TM9SF4: variants seen among roughly 807,000 people sequenced by gnomAD.
TM9SF4 encodes the protein dinucleotide oxidase disulfide thiol exchanger 3 superfamily member 4.
In TM9SF4, 26 loss-of-function variants were observed where a neutral mutation model predicts 90.4. The ratio of observed to expected loss-of-function variants is 0.29; its 90% CI spans 0.21 to 0.40. The LOEUF is 0.40. TM9SF4 is among the 10% of genes least tolerant of loss of function. The pLI is 1.00. For missense variants in TM9SF4, 549 were observed against 834.8 expected, an observed-to-expected ratio of 0.66 and a Z score of 4.22; for synonymous variants, 293 against 315.4, an observed-to-expected ratio of 0.93 and a Z score of 0.75.
chr20:32,163,639 A>G (rs1246221179), intron 17 of TM9SF4, among the ~76,000 whole-genome samples: 4 of 122,884 alleles, frequency 3.3e-5, no homozygotes, highest in East Asian at 2.3e-4. Flanking sequence ...TGAGATGGAG[A>G]CTCGCTCTGT....
intron 1 of TM9SF4, among the ~76,000 whole-genome samples, chr20:32,128,800 G>C (rs939375930): frequency 8.2e-5 from 12 of 146,478 alleles, no homozygotes; most frequent in Non-Finnish European, 1.3e-4. Flanking sequence ...CTGTGTGTGT[G>C]TGTGTGTGTG....
At position 32,145,223 on chromosome 20, in the gene TM9SF4, G is replaced by A; in HGVS notation, c.771+14G>A. 1 of 1,613,934 alleles carries A rather than the reference G, an allele frequency of 6.2e-7. No homozygotes were observed. The highest frequency in any genetic ancestry group is 8.5e-7 in the Non-Finnish European group (1 of 1,179,778). On this transcript the variant is annotated intron_variant, in intron 7 of 17. Coordinates refer to ENST00000398022, the MANE Select transcript of TM9SF4 (RefSeq NM_014742.4). ...GTCCACTGGGAGGTGAGAAGGGGCT[G>A]GAGCTCATGGGCAGGGGAGGAGGGC...
At chr20:32,123,864 A>ATTTTTTTTTTTTTTTTTTTTT (rs1251272520) in intron 1 of TM9SF4, among the ~76,000 whole-genome samples, 1 of 60,186 alleles carries the variant, frequency 1.7e-5, no homozygotes, top group African/African-American at 7.0e-5. Context: ...ATATATATAT[A>ATTTTTTTTTTTTTTTTTTTTT]TATTTTTTTT....
chr20:32,166,565 T>C lies in TM9SF4; in HGVS notation c.*1121T>C, dbSNP rs2047101471. 6.6e-6 allele frequency: 1 copy of C among 152,326 alleles called. No homozygotes were observed. The highest frequency in any genetic ancestry group is 6.5e-5 in the Admixed American group (1 of 15,282). 9.4% of individuals were successfully genotyped at this position (152,326 alleles called of 1,614,324 possible). A position where few individuals can be genotyped will look rare whatever the true frequency, so the allele number is the denominator to read the frequency against. ...CACACCTGAGTTCTTGCCTCCTCCT[T>C]TTGGGGACACCCAAAACACTGCTTG... On this transcript the variant is annotated 3_prime_UTR_variant, in exon 18 of 18. Transcript: ENST00000398022.
In TM9SF4 at chr20:32,165,516, C is replaced by T. The variant is rs547530739; in HGVS notation, c.*72C>T. ...CACCCTGCGTGGGGGACTGCAGGCA[C>T]GCAAAATAAAATAACTCCTGCTCGT... On this transcript the variant is annotated 3_prime_UTR_variant, in exon 18 of 18. Transcript: ENST00000398022. The T allele has an allele frequency of 1.1e-5, 17 of 1,557,738 alleles. No individual in the cohort carries two copies. The highest frequency in any genetic ancestry group is 6.8e-5 in the East Asian group (3 of 44,112).
At chr20:32,132,703 G>A (rs2046537925) in intron 1 of TM9SF4, among the ~76,000 whole-genome samples, 1 of 152,176 alleles carries the variant, frequency 6.6e-6, no homozygotes, top group Non-Finnish European at 1.5e-5. Flanking sequence ...GCTATCCTGG[G>A]AGTTACACAC....
intron 10 of TM9SF4, 57 bp downstream of exon 10, chr20:32,149,823 CAAG>C: frequency 6.2e-7 from 1 of 1,601,550 alleles, no homozygotes; most frequent in East Asian, 2.2e-5. Flanking sequence ...CCAGGTGCCT[CAAG>C]GAGAGAAGGG....
chr20:32,109,926 GC>G, intron 1 of TM9SF4, 171 bp downstream of exon 1: 2 of 1,444,254 alleles, frequency 1.4e-6, no homozygotes, highest in East Asian at 5.0e-5. Flanking sequence ...CCCTGGCCCT[GC>G]CCCTGCACTC....
chr20:32,121,917 G>T (rs1374517033), intron 1 of TM9SF4, among the ~76,000 whole-genome samples: 9 of 147,126 alleles, frequency 6.1e-5, no homozygotes, highest in African/African-American at 2.2e-4. Context: ...GGGGCGGCTG[G>T]CCGGGCGGGG....
chr20:32,158,074 C>T (rs1403111115), intron 14 of TM9SF4, 105 bp downstream of exon 14: 3 of 1,455,932 alleles, frequency 2.1e-6, no homozygotes, highest in African/African-American at 2.8e-5. Flanking sequence ...CTTCAGCCGG[C>T]TCTAATAGAG....
chr20:32,113,687 T>C (rs1470107781), intron 1 of TM9SF4, among the ~76,000 whole-genome samples: 1 of 152,212 alleles, frequency 6.6e-6, no homozygotes, highest in Non-Finnish European at 1.5e-5. Context: ...GCCATAAAAT[T>C]CACCCCTTTA....
chr20:32,128,607 T>A (rs1468338858), intron 1 of TM9SF4, among the ~76,000 whole-genome samples: 2 of 152,124 alleles, frequency 1.3e-5, no homozygotes, highest in Non-Finnish European at 2.9e-5. Context: ...GAGCCTCCAA[T>A]GTTATTATTC....
At chr20:32,139,068 G>C in intron 3 of TM9SF4, among the ~76,000 whole-genome samples, 1 of 152,210 alleles carries the variant, frequency 6.6e-6, no homozygotes, top group Non-Finnish European at 1.5e-5. Context: ...GTGGAGGGGT[G>C]AGGCCTTCAT....
chr20:32,157,457 C>T (rs1025007095), intron 13 of TM9SF4, among the ~76,000 whole-genome samples: 32 of 152,148 alleles, frequency 2.1e-4, no homozygotes, highest in Admixed American at 1.6e-3. Context: ...TTTTTCCCTT[C>T]TTTTCTTCAC....
chr20:32,146,312 A>G (rs2046761775), intron 8 of TM9SF4, among the ~76,000 whole-genome samples: 1 of 152,126 alleles, frequency 6.6e-6, no homozygotes, highest in African/African-American at 2.4e-5. Context: ...GGACGTGAAG[A>G]TGCCCAGAGT....
intron 1 of TM9SF4, among the ~76,000 whole-genome samples, chr20:32,111,134 T>TACC (rs2046137252): frequency 6.6e-6 from 1 of 152,238 alleles, no homozygotes; most frequent in African/African-American, 2.4e-5. Flanking sequence ...GATTCCTTAT[T>TACC]TAGAACTTCA....
chr20:32,165,272 C>CTT, intron 17 of TM9SF4, 23 bp from the exon 18 acceptor site: 1 of 1,613,834 alleles, frequency 6.2e-7, no homozygotes, highest in East Asian at 2.2e-5. Flanking sequence ...TGCACCCTGT[C>CTT]TTCTTTCTGC....
Position 32,160,126 on chromosome 20 carries a change from G to C in TM9SF4, c.1689+15G>C, listed in dbSNP as rs760231161. 19 of 1,614,078 alleles carry C rather than the reference G, an allele frequency of 1.2e-5. No homozygotes were observed. Among genetic ancestry groups the C allele is most frequent in the Non-Finnish European group, 1.5e-5 (18 of 1,180,000 alleles). ...TGTGTGCAGAGGTGAGGAGAGCAGG[G>C]CCAGGAGGCGGGGGAGGGAGAACTG... is the stretch of plus-strand genomic sequence containing the variant. On this transcript the variant is annotated intron_variant, in intron 16 of 17. Transcript: ENST00000398022.
chr20:32,137,434 G>A (rs73250851), intron 3 of TM9SF4, among the ~76,000 whole-genome samples: 2,695 of 152,244 alleles, frequency 0.018, 80 homozygotes, highest in African/African-American at 0.062. Context: ...CTGAACCCCT[G>A]CCAAATCTTC....
Sources: allele counts gnomAD v4.1 joint callset (sites outside exome capture counted in the v4.1 genomes callset), GRCh38; gene constraint gnomAD v4.1.1; transcripts MANE v1.5; gene names NCBI Gene and HGNC (gene_info 2026-07-23, HGNC 2026-07-21).